The following BBS9 variants were observed in gnomAD, a reference collection of about 807,000 sequenced individuals.
BBS9 encodes protein PTHB1.
BBS9 carries 89 observed loss-of-function variants against 117.7 expected under a neutral mutation model. The ratio of observed to expected loss-of-function variants is 0.76; its 90% CI spans 0.64 to 0.90. The LOEUF is 0.90. BBS9 is among the 40% of genes least tolerant of loss of function. The pLI is 0.00. For missense variants in BBS9, 982 were observed against 1,042.2 expected (o/e 0.94, Z 0.80); for synonymous variants, 379 against 370.9 (o/e 1.02, Z -0.25).
chr7:33,563,635 T>G (rs1856425170), intron 21 of BBS9, among the ~76,000 whole-genome samples: 1 of 152,202 alleles, frequency 6.6e-6, no homozygotes, highest in East Asian at 1.9e-4. Context: ...TTTTACGCAT[T>G]TCAAAAGCAA....
chr7:33,391,083 C>CT (rs1367563187), intron 19 of BBS9, among the ~76,000 whole-genome samples: 1 of 152,084 alleles, frequency 6.6e-6, no homozygotes, highest in Non-Finnish European at 1.5e-5. Context: ...TTGAGAAATC[C>CT]TTTTTCGACA....
At chr7:33,402,036 C>T (rs891428002) in intron 19 of BBS9, among the ~76,000 whole-genome samples, 10 of 152,160 alleles carry the variant, frequency 6.6e-5, no homozygotes, top group African/African-American at 2.2e-4. Flanking sequence ...TGTCTCCTCA[C>T]GCCCTTGCTA....
At chr7:33,165,994 T>C (rs768990449) in intron 4 of BBS9, among the ~76,000 whole-genome samples, 5 of 152,214 alleles carry the variant, frequency 3.3e-5, no homozygotes, top group Non-Finnish European at 7.3e-5. Context: ...TGGTCTTTGA[T>C]GTTGGTGACC....
chr7:33,334,527 C>T (rs1197379379), intron 9 of BBS9, among the ~76,000 whole-genome samples: 1 of 152,108 alleles, frequency 6.6e-6, no homozygotes. Flanking sequence ...GATTTGCTCT[C>T]TTGAAATGGG....
At chr7:33,517,422 A>C (rs770908054) in intron 20 of BBS9, among the ~76,000 whole-genome samples, 1 of 152,232 alleles carries the variant, frequency 6.6e-6, no homozygotes, top group Non-Finnish European at 1.5e-5. Context: ...CATAGCCACC[A>C]TGCTCAGCCA....
chr7:33,316,746 A>T (rs982392407), intron 9 of BBS9, among the ~76,000 whole-genome samples: 9 of 151,874 alleles, frequency 5.9e-5, no homozygotes, highest in Non-Finnish European at 7.4e-5. Flanking sequence ...TTTGGTTGTT[A>T]TAGTAGTTCT....
At chr7:33,596,713 C>T (rs1585415651) in intron 21 of BBS9, among the ~76,000 whole-genome samples, 2 of 152,132 alleles carry the variant, frequency 1.3e-5, no homozygotes, top group Admixed American at 6.6e-5. Context: ...TTGTCATTTA[C>T]ACCTTTTGTA....
chr7:33,471,770 G>C lies in BBS9; in HGVS notation c.2116-33693G>C, dbSNP rs532524059. ...CTTGCCAAATTTGTAAAGGTTGGTT[G>C]TCAGCAAACCAGAGCAACAGAACCA... On this transcript the variant is annotated intron_variant, in intron 19 of 22. Transcript: ENST00000242067. Among the ~76,000 whole-genome samples, 13 of 152,300 alleles carry C rather than the reference G, an allele frequency of 8.5e-5. No homozygotes were observed. The South Asian group carries it at 2.5e-3, about 29-fold the overall frequency.
intron 9 of BBS9, among the ~76,000 whole-genome samples, chr7:33,299,765 A>G (rs1434434365): frequency 1.3e-5 from 2 of 152,074 alleles, no homozygotes; most frequent in Non-Finnish European, 2.9e-5. Flanking sequence ...AGCAGGTACT[A>G]CTAGTATTTT....
intron 21 of BBS9, among the ~76,000 whole-genome samples, chr7:33,596,483 A>C (rs912827284): frequency 5.3e-5 from 8 of 152,006 alleles, no homozygotes; most frequent in African/African-American, 1.9e-4. Context: ...GGGCAGACTA[A>C]GCCCTTTGGT....
intron 5 of BBS9, among the ~76,000 whole-genome samples, chr7:33,209,143 G>T (rs1046384509): frequency 6.6e-6 from 1 of 151,970 alleles, no homozygotes; most frequent in African/African-American, 2.4e-5. Context: ...TTATCTCCGT[G>T]AGTTTAATTG....
rs575850700 is a variant in BBS9, at chr7:33,486,343, A to AG, written c.2116-19119dup. 2.7e-3 allele frequency among the ~76,000 whole-genome samples: 406 copies of AG among 152,322 alleles called. 4 individuals carry two copies. Among genetic ancestry groups the AG allele is most frequent in the African/African-American group, 9.2e-3 (381 of 41,580 alleles). Reference sequence around the variant, plus strand: ...CCCAGGGAAATCTCCTCGGAGAGGAAGTACTGGAAGTGAGAAGCCAGCAGT... The same window carrying AG: ...CCCAGGGAAATCTCCTCGGAGAGGAAGGTACTGGAAGTGAGAAGCCAGCAGT... On this transcript the variant is annotated intron_variant, in intron 19 of 22. Transcript: ENST00000242067.
chr7:33,600,575 A>G (rs1396582360), intron 21 of BBS9, among the ~76,000 whole-genome samples: 1 of 152,220 alleles, frequency 6.6e-6, no homozygotes, highest in Admixed American at 6.5e-5. Context: ...TGTAAAATTT[A>G]TATTTTCTTT....
chr7:33,303,788 T>TG (rs1407406696), intron 9 of BBS9, among the ~76,000 whole-genome samples: 15 of 152,048 alleles, frequency 9.9e-5, no homozygotes, highest in Admixed American at 9.8e-4. Flanking sequence ...GGATTGCAGA[T>TG]GGAGTCTCGC....
chr7:33,484,474 CTTTTTTG>C (rs1391471575), intron 19 of BBS9, among the ~76,000 whole-genome samples: 3 of 152,064 alleles, frequency 2.0e-5, no homozygotes, highest in African/African-American at 7.2e-5. Flanking sequence ...TTTGTGTTTG[CTTTTTTG>C]TTTTTTGTTG....
intron 21 of BBS9, among the ~76,000 whole-genome samples, chr7:33,540,183 G>C (rs959109834): frequency 2.6e-5 from 4 of 152,174 alleles, no homozygotes; most frequent in Admixed American, 2.6e-4. Flanking sequence ...ATGAGGAGAG[G>C]ACAAGAATTA....
intron 8 of BBS9, 126 bp downstream of exon 8, chr7:33,273,321 G>T: frequency 9.8e-7 from 1 of 1,020,752 alleles, no homozygotes; most frequent in South Asian, 1.5e-5. Flanking sequence ...AATATGTAAT[G>T]GAAATTTTAA....
At chr7:33,414,145 T>C (rs913307791) in intron 19 of BBS9, among the ~76,000 whole-genome samples, 14 of 152,198 alleles carry the variant, frequency 9.2e-5, no homozygotes, top group African/African-American at 3.4e-4. Flanking sequence ...AGTGCTCCTG[T>C]AGTGTTATCT....
chr7:33,495,291 T>A (rs1013126425), intron 19 of BBS9, among the ~76,000 whole-genome samples: 4 of 152,228 alleles, frequency 2.6e-5, no homozygotes, highest in African/African-American at 9.6e-5. Context: ...TAGCACTTGC[T>A]ACCTTAGCTA....
Sources: gnomAD v4.1 joint callset for allele counts (sites outside exome capture counted in the v4.1 genomes callset) on GRCh38, gnomAD v4.1.1 for gene constraint, MANE v1.5 for transcripts, NCBI Gene and HGNC (gene_info 2026-07-23, HGNC 2026-07-21) for gene names.